XKR9: variants seen among roughly 807,000 people sequenced by gnomAD.
XKR9 encodes the protein XK related 9.
Under a neutral mutation model 32.0 loss-of-function variants are expected in XKR9, and 32 were observed. The ratio of observed to expected loss-of-function variants is 1.00; its 90% confidence interval spans 0.76 to 1.34. The LOEUF is 1.34. Ranked by LOEUF, XKR9 falls within the 40% of genes most tolerant of loss-of-function variation. XKR9 has a pLI of 0.00. For missense variants in XKR9, 546 were observed against 429.7 expected (o/e 1.27, Z -2.39); for synonymous variants, 168 against 143.4 (o/e 1.17, Z -1.22).
At chr8:70,884,579 T>A in the XKR9 span, among the ~76,000 whole-genome samples, 2 of 152,176 alleles carry the variant, frequency 1.3e-5, no homozygotes, top group Admixed American at 1.3e-4. Context: ...GTCTAGATTA[T>A]TTTTTTAAAA....
the XKR9 span, among the ~76,000 whole-genome samples, chr8:70,816,738 A>AAATATTAGCAAG: frequency 6.6e-6 from 1 of 151,954 alleles, no homozygotes; most frequent in African/African-American, 2.4e-5. Flanking sequence ...ATTCTCATCA[A>AAATATTAGCAAG]CCAAACCCGG....
chr8:70,689,934 A>G (rs1819453459), intron 3 of XKR9, among the ~76,000 whole-genome samples: 2 of 152,186 alleles, frequency 1.3e-5, no homozygotes, highest in Admixed American at 6.5e-5. Context: ...ATAGTGGGTT[A>G]TAGGAGTAGG....
chr8:71,039,539 A>C, the XKR9 span, among the ~76,000 whole-genome samples: 1 of 152,246 alleles, frequency 6.6e-6, no homozygotes, highest in Admixed American at 6.5e-5. Context: ...TAAAGTAAAA[A>C]AATGGTACAT....
chr8:70,684,125 GT>G (rs1439267127), intron 3 of XKR9, among the ~76,000 whole-genome samples: 7 of 151,934 alleles, frequency 4.6e-5, no homozygotes, highest in Non-Finnish European at 1.0e-4. Flanking sequence ...TTAATTATAT[GT>G]TTAGATGTAG....
At chr8:71,034,964 T>C in the XKR9 span, among the ~76,000 whole-genome samples, 4 of 152,222 alleles carry the variant, frequency 2.6e-5, no homozygotes, top group African/African-American at 9.6e-5. Flanking sequence ...CACATAGCAG[T>C]TCTCAACTAT....
chr8:70,752,627 C>T (rs1041869437), intron 2 of XKR9, among the ~76,000 whole-genome samples: 8 of 152,256 alleles, frequency 5.3e-5, no homozygotes, highest in African/African-American at 1.2e-4. Flanking sequence ...GAGGACCATG[C>T]GTCCACATGA....
At chr8:71,002,098 T>C in the XKR9 span, among the ~76,000 whole-genome samples, 1 of 152,142 alleles carries the variant, frequency 6.6e-6, no homozygotes, top group Non-Finnish European at 1.5e-5. Flanking sequence ...AGTCTTTAAT[T>C]GAATACTGGC....
At chr8:70,906,316 G>A in the XKR9 span, among the ~76,000 whole-genome samples, 5 of 152,298 alleles carry the variant, frequency 3.3e-5, no homozygotes, top group East Asian at 9.6e-4. Context: ...TTTCATATAT[G>A]TCTTACAGGT....
chr8:70,861,745 C>T, the XKR9 span, among the ~76,000 whole-genome samples: 2 of 152,112 alleles, frequency 1.3e-5, no homozygotes, highest in East Asian at 1.9e-4. Flanking sequence ...CCTGGCACTT[C>T]GTAAGCACTG....
chr8:71,048,095 G>A, the XKR9 span, among the ~76,000 whole-genome samples: 1 of 151,982 alleles, frequency 6.6e-6, no homozygotes, highest in African/African-American at 2.4e-5. Flanking sequence ...GTGTGTGAGG[G>A]AGTGACTGAA....
At chr8:70,700,683 G>A (rs991707209) in intron 3 of XKR9, among the ~76,000 whole-genome samples, 7 of 152,214 alleles carry the variant, frequency 4.6e-5, no homozygotes, top group Non-Finnish European at 1.0e-4. Context: ...ATCTCCAGCT[G>A]CGTGCTGGGA....
At chr8:70,948,147 C>G in the XKR9 span, among the ~76,000 whole-genome samples, 2 of 151,892 alleles carry the variant, frequency 1.3e-5, no homozygotes, top group Middle Eastern at 3.4e-3. Flanking sequence ...AAAAGAGGCA[C>G]AGTTTCAAAA....
chr8:71,061,712 TAA>T, the XKR9 span, among the ~76,000 whole-genome samples: 2 of 152,126 alleles, frequency 1.3e-5, no homozygotes, highest in African/African-American at 4.8e-5. Flanking sequence ...ATATAGAGGC[TAA>T]GTGTCTGTAT....
intron 2 of XKR9, among the ~76,000 whole-genome samples, chr8:70,781,832 TAAAAG>T (rs1563479010): frequency 6.6e-6 from 1 of 152,072 alleles, no homozygotes; most frequent in Non-Finnish European, 1.5e-5. Context: ...TCTGAAAAAA[TAAAAG>T]AAAGATTAGT....
At chr8:70,820,878 G>T in the XKR9 span, among the ~76,000 whole-genome samples, 1 of 152,104 alleles carries the variant, frequency 6.6e-6, no homozygotes, top group Non-Finnish European at 1.5e-5. Flanking sequence ...TAATATTTGG[G>T]TGGGGACACA....
chr8:70,850,037 G>A, the XKR9 span, among the ~76,000 whole-genome samples: 23 of 151,674 alleles, frequency 1.5e-4, no homozygotes, highest in Admixed American at 3.3e-4. Flanking sequence ...TTCTACCAGA[G>A]GTACAAAGAG....
At chr8:70,857,423 GGAA>G in the XKR9 span, among the ~76,000 whole-genome samples, 68 of 152,284 alleles carry the variant, frequency 4.5e-4, no homozygotes, top group Admixed American at 4.0e-3. Context: ...GACTAAACCA[GGAA>G]GAAGTTGAAT....
At chr8:71,057,379 A>T in the XKR9 span, among the ~76,000 whole-genome samples, 2 of 152,180 alleles carry the variant, frequency 1.3e-5, no homozygotes, top group Non-Finnish European at 2.9e-5. Context: ...ATGTTGCCCA[A>T]GAAGCATTGT....
At chr8:70,862,211 T>A in the XKR9 span, among the ~76,000 whole-genome samples, 2 of 152,082 alleles carry the variant, frequency 1.3e-5, no homozygotes, top group African/African-American at 4.8e-5. Context: ...CATTAAAAAA[T>A]TTTTATTTTT....
Sources: allele counts gnomAD v4.1 joint callset (sites outside exome capture counted in the v4.1 genomes callset), GRCh38; gene constraint gnomAD v4.1.1; transcripts MANE v1.5; gene names NCBI Gene and HGNC (gene_info 2026-07-23, HGNC 2026-07-21).